The following CDH13 variants were observed in gnomAD, a reference collection of about 807,000 sequenced individuals.
CDH13 encodes the protein cadherin-13.
A neutral mutation model predicts 63.8 loss-of-function variants in CDH13; 24 were observed. The ratio of observed to expected loss-of-function variants is 0.38; its 90% CI spans 0.27 to 0.53. The LOEUF is 0.53. Ranked by LOEUF, CDH13 falls within the 20% of genes least tolerant of loss-of-function variation. The pLI, the probability that CDH13 is intolerant of heterozygous loss-of-function variation, is 0.85. For synonymous variants in CDH13, 503 were observed against 355.3 expected (o/e 1.42, Z -4.67); for missense variants, 1,049 against 903.1 (o/e 1.16, Z -2.07).
intron 6 of CDH13, among the ~76,000 whole-genome samples, chr16:83,366,203 T>A (rs1055534871): frequency 2.6e-5 from 4 of 152,190 alleles, no homozygotes; most frequent in African/African-American, 9.7e-5. Context: ...CTATCAAAAG[T>A]TCGTTTTCAA....
At chr16:83,787,484 G>A (rs1361051785) in intron 13 of CDH13, among the ~76,000 whole-genome samples, 1 of 152,110 alleles carries the variant, frequency 6.6e-6, no homozygotes, top group Non-Finnish European at 1.5e-5. Flanking sequence ...ATTTGAATAC[G>A]GTGCAGTGGA....
At position 82,915,874 on chromosome 16, in the gene CDH13, A is replaced by G. The variant is rs142991169; in HGVS notation, c.157+57401A>G. Among the ~76,000 whole-genome samples, 559 of 150,506 alleles carry G rather than the reference A, an allele frequency of 3.7e-3. 23 individuals are homozygous for G. In the East Asian group the frequency reaches 0.091, roughly 24 times the overall value. ...CTAGACCATCAGAAGGGGAACTGCT[A>G]TATCACAGCCTCTGGAATCCTGGCT... On this transcript the variant is annotated intron_variant, in intron 2 of 13. Coordinates refer to ENST00000567109, the MANE Select transcript of CDH13 (RefSeq NM_001257.5).
At chr16:83,180,943 C>T (rs1402980734) in intron 4 of CDH13, 2 of 1,530,340 alleles carry the variant, frequency 1.3e-6, no homozygotes, top group Non-Finnish European at 8.8e-7. Context: ...CCATGCATTA[C>T]AATTTTAGCA....
chr16:83,696,764 G>A (rs138698959), intron 10 of CDH13, among the ~76,000 whole-genome samples: 9 of 152,224 alleles, frequency 5.9e-5, no homozygotes, highest in South Asian at 2.1e-4. Flanking sequence ...CACCACCATC[G>A]TTCACCCAGA....
chr16:83,480,427 G>C (rs1343426827), intron 6 of CDH13, among the ~76,000 whole-genome samples: 3 of 151,242 alleles, frequency 2.0e-5, no homozygotes, highest in East Asian at 1.9e-4. Flanking sequence ...GCTTGATTCT[G>C]CTTTGGTTTT....
intron 7 of CDH13, among the ~76,000 whole-genome samples, chr16:83,514,479 A>G (rs765090063): frequency 2.6e-5 from 4 of 152,148 alleles, no homozygotes; most frequent in Non-Finnish European, 4.4e-5. Flanking sequence ...CCCAATCTCC[A>G]CTAAAAATAC....
intron 5 of CDH13, among the ~76,000 whole-genome samples, chr16:83,338,195 A>AC (rs1555532123): frequency 6.6e-6 from 1 of 151,464 alleles, no homozygotes; most frequent in African/African-American, 2.4e-5. Context: ...AAAAAAAAAA[A>AC]AAAAAAAACA....
At chr16:82,633,636 C>G (rs1908301555) in intron 1 of CDH13, among the ~76,000 whole-genome samples, 2 of 152,202 alleles carry the variant, frequency 1.3e-5, no homozygotes, top group African/African-American at 2.4e-5. Context: ...CTCGGCCTCC[C>G]CAAGTGCTGG....
Position 83,423,013 on chromosome 16 carries a change from A to T in CDH13, c.782-63464A>T, listed in dbSNP as rs114737836. 3.5e-3 allele frequency among the ~76,000 whole-genome samples: 538 copies of T among 152,322 alleles called. 7 individuals are homozygous for T. Among genetic ancestry groups the T allele is most frequent in the African/African-American group, 0.013 (520 of 41,568 alleles). On this transcript the variant is annotated intron_variant, in intron 6 of 13. Transcript: ENST00000567109. ...TAGACATGCAAGATTTACGTTCCAGAAAGCTTCATTTTTGTGTTCTCTAAT... is the reference window on the plus strand; with the variant it reads ...TAGACATGCAAGATTTACGTTCCAGTAAGCTTCATTTTTGTGTTCTCTAAT...
chr16:82,729,994 T>C (rs945106526), intron 1 of CDH13, among the ~76,000 whole-genome samples: 1 of 152,204 alleles, frequency 6.6e-6, no homozygotes, highest in Non-Finnish European at 1.5e-5. Flanking sequence ...TCCTTACCTC[T>C]CTCAGCCTTC....
rs145201993 is a variant in CDH13, at chr16:82,953,261, A to G, written c.158-78749A>G. On this transcript the variant is annotated intron_variant, in intron 2 of 13. Coordinates refer to ENST00000567109, the MANE Select transcript of CDH13 (RefSeq NM_001257.5). ...TCCATTTATCCTTTATTTTCTCATC[A>G]TATACAGAAAGGTTATTGCCAAATA... 7.3e-3 allele frequency: 1,115 copies of G among 152,288 alleles called. 16 individuals are homozygous for G. Among genetic ancestry groups the G allele is most frequent in the African/African-American group, 0.026 (1,061 of 41,542 alleles). The allele number at this position is 152,288 out of a possible 1,614,324, so 9.4% of individuals were successfully genotyped here. A position where few individuals can be genotyped will look rare whatever the true frequency, so the allele number is the denominator to read the frequency against.
At chr16:83,735,076 G>A (rs992521489) in intron 10 of CDH13, among the ~76,000 whole-genome samples, 1 of 151,328 alleles carries the variant, frequency 6.6e-6, no homozygotes, top group Non-Finnish European at 1.5e-5. Context: ...ATGATGAATA[G>A]AAGTTTGTTT....
chr16:83,559,948 A>G (rs1467396378), intron 7 of CDH13, among the ~76,000 whole-genome samples: 1 of 152,166 alleles, frequency 6.6e-6, no homozygotes, highest in Admixed American at 6.5e-5. Flanking sequence ...GCCAATATAC[A>G]TGTTGGTTAT....
chr16:83,156,428 A>C (rs1305337302), intron 4 of CDH13, among the ~76,000 whole-genome samples: 1 of 152,152 alleles, frequency 6.6e-6, no homozygotes, highest in Non-Finnish European at 1.5e-5. Flanking sequence ...TGGCCCTCTA[A>C]GATACACACC....
rs939046722 is a variant in CDH13, at chr16:83,770,519, A to G, written c.1682-9449A>G. Among the ~76,000 whole-genome samples the G allele has an allele frequency of 6.6e-5, 10 of 152,214 alleles. 1 individual carries two copies. The highest frequency in any genetic ancestry group is 4.4e-5 in the Non-Finnish European group (3 of 68,038). The stretch of plus-strand genomic sequence containing the variant: ...GCAAGAAAGAATTCAGTGCGAGTCC[A>G]TTAAGTGAAAGCAAGTATATTAGGA... On this transcript the variant is annotated intron_variant, in intron 11 of 13. Transcript: ENST00000567109.
intron 7 of CDH13, among the ~76,000 whole-genome samples, chr16:83,573,329 T>G (rs1343160059): frequency 1.3e-5 from 2 of 152,158 alleles, no homozygotes. Context: ...GGCTCAGTTC[T>G]GCCTAGTCAC....
intron 8 of CDH13, among the ~76,000 whole-genome samples, chr16:83,654,558 G>A (rs991438598): frequency 2.0e-5 from 3 of 152,106 alleles, no homozygotes; most frequent in Non-Finnish European, 4.4e-5. Flanking sequence ...CCTGCAGATT[G>A]TTAGCCCCAG....
At chr16:83,481,859 A>G (rs993516490) in intron 6 of CDH13, among the ~76,000 whole-genome samples, 5 of 152,184 alleles carry the variant, frequency 3.3e-5, no homozygotes, top group Non-Finnish European at 5.9e-5. Flanking sequence ...CTGTCTGGAA[A>G]CACAAGACAA....
At chr16:82,634,376 C>T (rs1032997346) in intron 1 of CDH13, among the ~76,000 whole-genome samples, 1 of 152,206 alleles carries the variant, frequency 6.6e-6, no homozygotes, top group South Asian at 2.1e-4. Flanking sequence ...CTGTGATTGT[C>T]TCCCTGTGGA....
Sources: gnomAD v4.1 joint callset for allele counts (sites outside exome capture counted in the v4.1 genomes callset) on GRCh38, gnomAD v4.1.1 for gene constraint, MANE v1.5 for transcripts, NCBI Gene and HGNC (gene_info 2026-07-23, HGNC 2026-07-21) for gene names.